Variants in STRBP observed in about 807,000 individuals in gnomAD.
STRBP encodes the protein spermatid perinuclear RNA binding protein, also known as spermatid perinuclear RNA-binding protein.
STRBP carries 13 observed loss-of-function variants against 80.1 expected under a neutral mutation model. The ratio of observed to expected loss-of-function variants is 0.16; its 90% CI spans 0.11 to 0.26. The LOEUF (loss-of-function observed/expected upper bound fraction) is 0.26, where lower values mean the gene tolerates loss of function less well. Ranked by LOEUF, STRBP falls within the 10% of genes least tolerant of loss-of-function variation. The pLI is 1.00. For missense variants in STRBP, 485 were observed against 815.2 expected (o/e 0.59, Z 4.93); for synonymous variants, 284 against 291.2 (o/e 0.98, Z 0.25).
chr9:123,170,753 C>T (rs184559421), intron 5 of STRBP, among the ~76,000 whole-genome samples: 56 of 152,180 alleles, frequency 3.7e-4, no homozygotes, highest in Admixed American at 3.4e-3. Context: ...ACAAAATAAT[C>T]ACCTGATCAG....
intron 3 of STRBP, among the ~76,000 whole-genome samples, chr9:123,182,822 G>A (rs1237791259): frequency 2.6e-5 from 4 of 151,846 alleles, no homozygotes; most frequent in Non-Finnish European, 5.9e-5. Flanking sequence ...GACCAGCCTG[G>A]GCAACAAAGC....
At position 123,169,888 on chromosome 9, in the gene STRBP, A is replaced by ATG; in HGVS notation, c.535+13_535+14insCA. On this transcript the variant is annotated intron_variant, in intron 6 of 18. Coordinates refer to ENST00000348403, the MANE Select transcript of STRBP (RefSeq NM_018387.5). The stretch of plus-strand genomic sequence containing the variant: ...CAAATATATACATATATATATATAT[A>ATG]TATACATGTGTACCTCCATCCTTCT... The ATG allele has an allele frequency of 7.2e-6, 10 of 1,397,776 alleles. No individual in the cohort carries two copies. The highest frequency in any genetic ancestry group is 9.5e-6 in the Non-Finnish European group (10 of 1,057,278). 86.6% of individuals were successfully genotyped at this position (1,397,776 alleles called of 1,614,324 possible).
chr9:123,234,211 A>G (rs2040483864), intron 2 of STRBP, among the ~76,000 whole-genome samples: 1 of 150,842 alleles, frequency 6.6e-6, no homozygotes, highest in Admixed American at 6.6e-5. Flanking sequence ...AAAAAAAAAA[A>G]AAAAAAAAGA....
chr9:123,172,603 T>C (rs1223215206), intron 5 of STRBP, among the ~76,000 whole-genome samples: 1 of 152,158 alleles, frequency 6.6e-6, no homozygotes, highest in South Asian at 2.1e-4. Context: ...TTAAAAACCA[T>C]ATATTAAGAC....
At position 123,158,025 on chromosome 9, in the gene STRBP, A is replaced by T. The variant is rs756787077; in HGVS notation, c.1032T>A (p.Val344=). The change falls in exon 11 of 19, where the codon GTT becomes GTA. Residue 344 remains valine (V), a synonymous_variant. Transcript: ENST00000348403. ...SKPFQKYSWS[V]TDKEGAGSSA... ...TTCCATGCTCACCTTCTTTATCAGT[A>T]ACTGACCAGGAATACTTCTGAAAAG... 1 of 1,610,752 alleles carries T rather than the reference A, an allele frequency of 6.2e-7. No individual in the cohort carries two copies. Among genetic ancestry groups the T allele is most frequent in the Admixed American group, 1.7e-5 (1 of 59,638 alleles).
At chr9:123,214,841 T>G (rs983345622) in intron 2 of STRBP, among the ~76,000 whole-genome samples, 1 of 152,236 alleles carries the variant, frequency 6.6e-6, no homozygotes, top group African/African-American at 2.4e-5. Flanking sequence ...TGTGTGTGGG[T>G]GTATATATAT....
intron 2 of STRBP, among the ~76,000 whole-genome samples, chr9:123,199,991 T>C (rs1432820954): frequency 6.6e-6 from 1 of 152,222 alleles, no homozygotes; most frequent in Non-Finnish European, 1.5e-5. Flanking sequence ...CCGTATGATG[T>C]TGGCTGTGCG....
chr9:123,114,821 T>C, intron 3 of STRBP: 1 of 241,338 alleles, frequency 4.1e-6, no homozygotes, highest in Non-Finnish European at 8.8e-6. Flanking sequence ...GGTGCTATTG[T>C]TCCTTGGCCC....
chr9:123,183,538 A>G (rs2038578507), intron 3 of STRBP, among the ~76,000 whole-genome samples: 1 of 152,086 alleles, frequency 6.6e-6, no homozygotes, highest in African/African-American at 2.4e-5. Flanking sequence ...AAATCAGCAC[A>G]TTTTACCAAT....
chr9:123,139,763 A>C, intron 13 of STRBP, 76 bp from the exon 14 acceptor site: 1 of 1,476,562 alleles, frequency 6.8e-7, no homozygotes, highest in South Asian at 1.2e-5. Flanking sequence ...TGAGAACAAA[A>C]GTTTCAAATC....
At chr9:123,208,346 C>G (rs2039594228) in intron 2 of STRBP, among the ~76,000 whole-genome samples, 1 of 152,182 alleles carries the variant, frequency 6.6e-6, no homozygotes, top group Non-Finnish European at 1.5e-5. Flanking sequence ...TTTCCCAAGT[C>G]CTGTAACCTG....
intron 2 of STRBP, among the ~76,000 whole-genome samples, chr9:123,186,031 C>CA (rs745615075): frequency 0.85 from 94,348 of 110,754 alleles, 41,072 homozygotes; most frequent in Middle Eastern, 0.93. Flanking sequence ...GACTCCGTCT[C>CA]AAAAAAAAAA....
At chr9:123,214,915 C>T (rs1051230371) in intron 2 of STRBP, among the ~76,000 whole-genome samples, 5 of 152,088 alleles carry the variant, frequency 3.3e-5, no homozygotes, top group Non-Finnish European at 4.4e-5. Flanking sequence ...ATATAGATTG[C>T]TTCGCATTAT....
At position 123,132,975 on chromosome 9, in the gene STRBP, A is replaced by C. The variant is rs775761194; in HGVS notation, c.1774-7T>G. On this transcript the variant is annotated splice_region_variant and splice_polypyrimidine_tract_variant and intron_variant, in intron 16 of 18. Transcript: ENST00000348403. ...TATTCACAACGCCCTTTGCCTGTTA[A>C]AATAACACATTTTCATTACTGAAAG... The C allele has an allele frequency of 3.7e-6, 6 of 1,610,020 alleles. No individual in the cohort carries two copies. The East Asian group carries it at 1.1e-4, about 30-fold the overall frequency.
chr9:123,147,148 C>A, intron 12 of STRBP, 94 bp from the exon 13 acceptor site: 1 of 1,035,802 alleles, frequency 9.7e-7, no homozygotes. Context: ...GTAAATTCAC[C>A]AAAATTTTTT....
At chr9:123,135,962 T>G in intron 16 of STRBP, 79 bp downstream of exon 16, 1 of 1,560,690 alleles carries the variant, frequency 6.4e-7, no homozygotes, top group Non-Finnish European at 8.7e-7. Flanking sequence ...AAAGCTAAAG[T>G]GCCACATGGA....
intron 18 of STRBP, among the ~76,000 whole-genome samples, chr9:123,125,925 G>A (rs2035876630): frequency 6.6e-6 from 1 of 152,192 alleles, no homozygotes; most frequent in Non-Finnish European, 1.5e-5. Context: ...TTCATTGAGT[G>A]AGCTACCATG....
In STRBP at chr9:123,115,294, T is replaced by A; in HGVS notation, c.*84+635A>T. ...AAGCCTATCGCTCTTGGTAAATTAC[T>A]CAGTAAGCACTTCTCTCCTGAGGCC... On this transcript the variant is annotated intron_variant and NMD_transcript_variant, in intron 3 of 3. Transcript: ENST00000471564. This position sits in a 1 kb window ranked among gnomAD's most constrained non-coding sequence, Gnocchi z 5.0. 1 of 471,108 alleles carries A rather than the reference T, an allele frequency of 2.1e-6. No homozygotes were observed. Among genetic ancestry groups the A allele is most frequent in the South Asian group, 1.5e-5 (1 of 64,570 alleles). 29.2% of individuals were successfully genotyped at this position (471,108 alleles called of 1,614,324 possible).
intron 1 of STRBP, among the ~76,000 whole-genome samples, chr9:123,257,921 A>G (rs1420102065): frequency 6.6e-6 from 1 of 151,944 alleles, no homozygotes; most frequent in African/African-American, 2.4e-5. Flanking sequence ...TAGAATTATT[A>G]TATCTATATC....
Sources: gnomAD v4.1 joint callset for allele counts (sites outside exome capture counted in the v4.1 genomes callset) on GRCh38, gnomAD v4.1.1 for gene constraint, Gnocchi (gnomAD v3.1) non-coding constraint, MANE v1.5 for transcripts, NCBI Gene and HGNC (gene_info 2026-07-23, HGNC 2026-07-21) for gene names.